ANO3: variants seen among roughly 807,000 people sequenced by gnomAD.
The protein encoded by ANO3 is anoctamin 3.
Under a neutral mutation model 144.8 loss-of-function variants are expected in ANO3, and 99 were observed. The ratio of observed to expected loss-of-function variants is 0.68; its 90% CI spans 0.58 to 0.81. The LOEUF (loss-of-function observed/expected upper bound fraction) is 0.81. Ranked by LOEUF, ANO3 falls within the 30% of genes least tolerant of loss-of-function variation. The pLI, the probability that ANO3 is intolerant of heterozygous loss-of-function variation, is 0.00. For synonymous variants in ANO3, 414 were observed against 392.6 expected (o/e 1.05, Z -0.64); for missense variants, 905 against 1,202.2 (o/e 0.75, Z 3.66).
upstream of ANO3, among the ~76,000 whole-genome samples, chr11:26,328,599 G>GTT (rs1299232790): frequency 1.3e-5 from 2 of 152,154 alleles, no homozygotes; most frequent in African/African-American, 4.8e-5. Flanking sequence ...AAACATCAGA[G>GTT]TTTCTTACCT....
At chr11:26,533,735 C>T (rs965019880) in intron 8 of ANO3, among the ~76,000 whole-genome samples, 6 of 152,248 alleles carry the variant, frequency 3.9e-5, no homozygotes, top group Admixed American at 6.5e-5. Flanking sequence ...AAAGTTACAC[C>T]GTTTGCCATC....
intron 19 of ANO3, 133 bp from the exon 20 acceptor site, chr11:26,634,880 A>G (rs1852900678): frequency 3.1e-6 from 2 of 653,758 alleles, no homozygotes; most frequent in South Asian, 4.2e-5. Flanking sequence ...TTAAGATAGC[A>G]GAAGTCAACT....
At chr11:26,225,554 A>G (rs1232221401) in intron 1 of ANO3, among the ~76,000 whole-genome samples, 1 of 75,348 alleles carries the variant, frequency 1.3e-5, no homozygotes, top group East Asian at 2.9e-4. Context: ...TATAGCAAGA[A>G]TAGAAAGATA....
intron 1 of ANO3, among the ~76,000 whole-genome samples, chr11:26,383,236 CAA>C (rs1484508598): frequency 6.6e-6 from 1 of 152,072 alleles, no homozygotes; most frequent in Non-Finnish European, 1.5e-5. Context: ...ATTAAACACT[CAA>C]ATTAATTTTA....
intron 4 of ANO3, among the ~76,000 whole-genome samples, chr11:26,496,925 A>G (rs1174657652): frequency 6.6e-6 from 1 of 150,684 alleles, no homozygotes; most frequent in African/African-American, 2.4e-5. Flanking sequence ...TATATATAAA[A>G]TCAACCTAAG....
At chr11:26,427,983 G>C (rs1234915683) in intron 1 of ANO3, among the ~76,000 whole-genome samples, 1 of 152,082 alleles carries the variant, frequency 6.6e-6, no homozygotes, top group African/African-American at 2.4e-5. Context: ...CTCCCACTGG[G>C]TCCCTCCCAT....
At chr11:26,643,375 C>T in intron 23 of ANO3, 41 bp downstream of exon 23, 1 of 1,607,606 alleles carries the variant, frequency 6.2e-7, no homozygotes, top group Non-Finnish European at 8.5e-7. Flanking sequence ...TTGCTAACAC[C>T]AATAGGTTGC....
chr11:26,555,502 CT>C (rs1850058638), intron 13 of ANO3, among the ~76,000 whole-genome samples: 1 of 152,148 alleles, frequency 6.6e-6, no homozygotes, highest in Non-Finnish European at 1.5e-5. Context: ...GTAAATACAT[CT>C]CTTCTTTTCT....
intron 1 of ANO3, among the ~76,000 whole-genome samples, chr11:26,218,348 T>G (rs1399458221): frequency 1.3e-5 from 1 of 75,432 alleles, no homozygotes; most frequent in Non-Finnish European, 3.7e-5. Context: ...TGACTGGTAA[T>G]TATTTCTCTA....
chr11:26,484,982 G>A (rs576511183), intron 4 of ANO3, among the ~76,000 whole-genome samples: 10 of 152,312 alleles, frequency 6.6e-5, no homozygotes, highest in Admixed American at 1.3e-4. Context: ...TGGAATGGGT[G>A]TGTTTACCTA....
chr11:26,579,737 G>A (rs751960227), intron 14 of ANO3, among the ~76,000 whole-genome samples: 1 of 151,974 alleles, frequency 6.6e-6, no homozygotes, highest in Admixed American at 6.5e-5. Context: ...TTTTTTTCAT[G>A]AAAAAGATCC....
At chr11:26,265,300 G>C (rs140399995) in intron 1 of ANO3, among the ~76,000 whole-genome samples, 3 of 152,238 alleles carry the variant, frequency 2.0e-5, no homozygotes, top group African/African-American at 7.2e-5. Context: ...ATCAGACCCA[G>C]TAGGGTTATC....
At chr11:26,283,236 G>T (rs1422538366) in intron 1 of ANO3, among the ~76,000 whole-genome samples, 1 of 147,110 alleles carries the variant, frequency 6.8e-6, no homozygotes, top group Non-Finnish European at 1.5e-5. Context: ...TCGTGTAGGA[G>T]CTACTCTCTA....
intron 1 of ANO3, among the ~76,000 whole-genome samples, chr11:26,190,971 T>A (rs947020973): frequency 1.3e-5 from 2 of 152,234 alleles, no homozygotes; most frequent in African/African-American, 4.8e-5. Flanking sequence ...GTATGCATAT[T>A]GGTTAATATC....
intron 1 of ANO3, among the ~76,000 whole-genome samples, chr11:26,333,388 T>C (rs1425628339): frequency 1.3e-5 from 2 of 151,904 alleles, no homozygotes; most frequent in Non-Finnish European, 2.9e-5. Context: ...TTCATGCCAT[T>C]ATCCTGCCTC....
At chr11:26,259,457 G>A (rs905871068) in intron 1 of ANO3, among the ~76,000 whole-genome samples, 3 of 152,020 alleles carry the variant, frequency 2.0e-5, no homozygotes, top group East Asian at 3.9e-4. Flanking sequence ...AGACCATCCT[G>A]GCCAACAGGG....
intron 15 of ANO3, 94 bp downstream of exon 15, chr11:26,598,541 AC>A: frequency 1.1e-6 from 1 of 871,004 alleles, no homozygotes; most frequent in Non-Finnish European, 1.8e-6. Context: ...GCAGTTAACC[AC>A]CATTAGATTT....
chr11:26,537,272 G>GGAC, intron 9 of ANO3, 134 bp from the exon 10 acceptor site: 1 of 695,412 alleles, frequency 1.4e-6, no homozygotes, highest in African/African-American at 1.8e-5. Context: ...CCTCATAGGT[G>GGAC]ATGTGGCTAT....
chr11:26,441,961 A>G lies in ANO3; in HGVS notation c.90A>G (p.Leu30=). ...GTGAGATAACAAAAGAAACTTCGTT[A>G]AAACCGTCTCGGAGATCCCTGCCTT... ...SKSEITKETS[L]KPSRRSLPCL... The change falls in exon 2 of 27, where the codon TTA becomes TTG. Residue 30 remains leucine (L), a synonymous_variant. Transcript: ENST00000256737. 6.2e-7 allele frequency: 1 copy of G among 1,614,060 alleles called. No homozygotes were observed. Among genetic ancestry groups the G allele is most frequent in the Non-Finnish European group, 8.5e-7 (1 of 1,180,010 alleles).
Sources: allele counts gnomAD v4.1 joint callset (sites outside exome capture counted in the v4.1 genomes callset), GRCh38; gene constraint gnomAD v4.1.1; transcripts MANE v1.5; gene names NCBI Gene and HGNC (gene_info 2026-07-23, HGNC 2026-07-21).